Variants in NR2C2 observed in about 807,000 individuals in gnomAD.
NR2C2 encodes the protein nuclear receptor subfamily 2 group C member 2, also known as Nuclear hormone receptor TR4.
Under a neutral mutation model 62.9 loss-of-function variants are expected in NR2C2, and 6 were observed. The ratio of observed to expected loss-of-function variants is 0.10; its 90% CI spans 0.05 to 0.19. The LOEUF (loss-of-function observed/expected upper bound fraction) is 0.19, where lower values mean the gene tolerates loss of function less well. Among genes scored for constraint, NR2C2 ranks in the 10% least tolerant of loss-of-function variants. The pLI, the probability that NR2C2 is intolerant of heterozygous loss-of-function variation, is 1.00. For missense variants in NR2C2, 479 were observed against 762.7 expected (o/e 0.63, Z 4.38); for synonymous variants, 272 against 273.8 (o/e 0.99, Z 0.07).
intron 2 of NR2C2, among the ~76,000 whole-genome samples, chr3:15,005,057 C>T (rs924220525): frequency 6.6e-6 from 1 of 151,914 alleles, no homozygotes; most frequent in Non-Finnish European, 1.5e-5. Flanking sequence ...CCAGCCACCC[C>T]TTTCTTATTA....
intron 1 of NR2C2, among the ~76,000 whole-genome samples, chr3:14,988,913 A>G (rs2040585515): frequency 1.3e-5 from 2 of 152,216 alleles, no homozygotes; most frequent in Admixed American, 1.3e-4. Flanking sequence ...CATCATTTAT[A>G]GCAGTGTGAA....
chr3:14,994,683 C>T (rs987218322), intron 1 of NR2C2, among the ~76,000 whole-genome samples: 10 of 150,984 alleles, frequency 6.6e-5, no homozygotes, highest in Admixed American at 5.3e-4. Flanking sequence ...CCTCATGATC[C>T]GCCAACCTCG....
At chr3:14,949,760 T>G (rs768611505) in intron 1 of NR2C2, among the ~76,000 whole-genome samples, 12 of 147,514 alleles carry the variant, frequency 8.1e-5, no homozygotes, top group Non-Finnish European at 1.6e-4. Context: ...GAATATGATT[T>G]ATTTATTTAT....
chr3:14,991,539 G>A (rs2040670936), intron 1 of NR2C2, among the ~76,000 whole-genome samples: 1 of 152,122 alleles, frequency 6.6e-6, no homozygotes, highest in African/African-American at 2.4e-5. Flanking sequence ...TTTCACTGAA[G>A]TGTTGAGAAG....
chr3:15,040,875 C>G lies in NR2C2; in HGVS notation c.1616+1648C>G, dbSNP rs529819083. ...GTCAGGTTGTCCTCCTAGGAGGCCA[C>G]AGGCCTGCTCCCCCACAGTTCCCAT... On this transcript the variant is annotated intron_variant, in intron 13 of 13. Transcript: ENST00000425241. Among the ~76,000 whole-genome samples the G allele has an allele frequency of 2.2e-4, 33 of 152,362 alleles. 4 individuals are homozygous for G. Among genetic ancestry groups the G allele is most frequent in the South Asian group, 2.1e-3 (10 of 4,828 alleles).
intron 11 of NR2C2, among the ~76,000 whole-genome samples, chr3:15,036,198 CAAAA>C (rs983010127): frequency 1.4e-5 from 2 of 148,124 alleles, no homozygotes; most frequent in East Asian, 2.0e-4. Flanking sequence ...AAAACAAAAA[CAAAA>C]AAAAAACTAG....
chr3:14,963,840 C>T (rs373345009), intron 1 of NR2C2, among the ~76,000 whole-genome samples: 356 of 151,952 alleles, frequency 2.3e-3, no homozygotes, highest in African/African-American at 8.1e-3. Context: ...CAGTTTAAAC[C>T]GATAAAAATG....
rs151301052 is a variant in NR2C2, at chr3:14,975,088, A to G, written c.-40+27182A>G. ...GTTACTGATTCTTATTTCTAATAAC[A>G]TGCAGTTTTGCTGAATTTGTTTTAT... is the stretch of plus-strand genomic sequence containing the variant. On this transcript the variant is annotated intron_variant, in intron 1 of 13. Coordinates refer to ENST00000425241, the MANE Select transcript of NR2C2 (RefSeq NM_001291694.2). Among the ~76,000 whole-genome samples, 46 of 152,326 alleles carry G rather than the reference A, an allele frequency of 3.0e-4. No homozygotes were observed. In the East Asian group the frequency reaches 8.5e-3, roughly 28 times the overall value.
rs780662570 is a variant in NR2C2 at position 15,046,658 on chromosome 3, A to G, written c.*3650A>G. The stretch of plus-strand genomic sequence containing the variant: ...GCTTGTTGCCCACTTTCCAGTGTAA[A>G]TGACTTTATGTGCAATGGGGTCATA... On this transcript the variant is annotated 3_prime_UTR_variant, in exon 14 of 14. Coordinates refer to ENST00000425241, the MANE Select transcript of NR2C2 (RefSeq NM_001291694.2). The G allele has an allele frequency of 3.3e-5, 5 of 152,322 alleles. No individual in the cohort carries two copies. The highest frequency in any genetic ancestry group is 5.9e-5 in the Non-Finnish European group (4 of 68,056). 9.4% of individuals were successfully genotyped at this position (152,322 alleles called of 1,614,324 possible).
In NR2C2 at chr3:15,043,337, G is replaced by A. The variant is rs2042337514; in HGVS notation, c.*329G>A. ...AGACTAGTATTAAAGAAAACTGAAA[G>A]AACCTGAGAGAATAGTATGTGTGTA... On this transcript the variant is annotated 3_prime_UTR_variant, in exon 14 of 14. Transcript: ENST00000425241. 5.8e-6 allele frequency: 1 copy of A among 172,442 alleles called. No homozygotes were observed. Among genetic ancestry groups the A allele is most frequent in the Admixed American group, 6.1e-5 (1 of 16,358 alleles). The allele number at this position is 172,442 out of a possible 1,614,324, so 10.7% of individuals were successfully genotyped here. A position where few individuals can be genotyped will look rare whatever the true frequency, so the allele number is the denominator to read the frequency against.
chr3:14,966,548 A>T (rs755262037), intron 1 of NR2C2, among the ~76,000 whole-genome samples: 1 of 152,234 alleles, frequency 6.6e-6, no homozygotes, highest in African/African-American at 2.4e-5. Context: ...GATGTCCCTC[A>T]CTGCACTCCA....
rs2042530001 is a variant in NR2C2, at chr3:15,048,367, C to A, written c.*5359C>A. ...AGTCTCTAAATGAATTAAAAGTTTC[C>A]TTTGGGGCTATTTAGCTTAACAGCA... On this transcript the variant is annotated 3_prime_UTR_variant, in exon 14 of 14. Coordinates refer to ENST00000425241, the MANE Select transcript of NR2C2 (RefSeq NM_001291694.2). The A allele has an allele frequency of 6.6e-6, 1 of 152,554 alleles. No individual in the cohort carries two copies. The highest frequency in any genetic ancestry group is 2.4e-5 in the African/African-American group (1 of 41,412). 9.5% of individuals were successfully genotyped at this position (152,554 alleles called of 1,614,324 possible). A position where few individuals can be genotyped will look rare whatever the true frequency, so the allele number is the denominator to read the frequency against.
At chr3:15,032,535 C>T in intron 10 of NR2C2, 35 bp downstream of exon 10, 1 of 1,613,916 alleles carries the variant, frequency 6.2e-7, no homozygotes, top group Non-Finnish European at 8.5e-7. Context: ...TATCCTCGGG[C>T]AGGAGCCTTC....
chr3:15,016,811 A>G (rs1012423506), intron 4 of NR2C2, among the ~76,000 whole-genome samples: 3 of 152,178 alleles, frequency 2.0e-5, no homozygotes, highest in African/African-American at 7.2e-5. Context: ...GCCAGGGCCT[A>G]GAGTTTAAGA....
intron 1 of NR2C2, among the ~76,000 whole-genome samples, chr3:14,973,872 G>C (rs980598767): frequency 1.3e-5 from 2 of 152,050 alleles, no homozygotes; most frequent in African/African-American, 4.8e-5. Flanking sequence ...GCTGCATCCA[G>C]GTAAGCCCAT....
chr3:14,979,987 G>A (rs2040317872), intron 1 of NR2C2, among the ~76,000 whole-genome samples: 1 of 152,096 alleles, frequency 6.6e-6, no homozygotes, highest in Admixed American at 6.5e-5. Context: ...CTTCCTTGAT[G>A]GTGGGCAAAT....
chr3:14,964,333 ATGG>A (rs2039775265), intron 1 of NR2C2, among the ~76,000 whole-genome samples: 1 of 152,212 alleles, frequency 6.6e-6, no homozygotes, highest in Non-Finnish European at 1.5e-5. Context: ...GATGGCAGTC[ATGG>A]TGGTGAATTA....
chr3:15,036,487 G>T (rs947369631), intron 11 of NR2C2, among the ~76,000 whole-genome samples: 3 of 152,090 alleles, frequency 2.0e-5, no homozygotes, highest in African/African-American at 7.2e-5. Flanking sequence ...AGTTTTTGTT[G>T]TTGTTGTTTT....
At position 15,045,141 on chromosome 3, in the gene NR2C2, TA is replaced by T. The variant is rs2042405322; in HGVS notation, c.*2134del. On this transcript the variant is annotated 3_prime_UTR_variant, in exon 14 of 14. Coordinates refer to ENST00000425241, the MANE Select transcript of NR2C2 (RefSeq NM_001291694.2). ...CATTTCTGCTTGTGAAGGCTTTTAG[TA>T]GCAGGCATCCTGCAGCTCAGTGGTG... is the stretch of plus-strand genomic sequence containing the variant. The T allele has an allele frequency of 6.6e-6, 1 of 152,226 alleles. No homozygotes were observed. Among genetic ancestry groups the T allele is most frequent in the Non-Finnish European group, 1.5e-5 (1 of 68,046 alleles). 9.4% of individuals were successfully genotyped at this position (152,226 alleles called of 1,614,324 possible). A position where few individuals can be genotyped will look rare whatever the true frequency, so the allele number is the denominator to read the frequency against.
Sources: allele counts gnomAD v4.1 joint callset (sites outside exome capture counted in the v4.1 genomes callset), GRCh38; gene constraint gnomAD v4.1.1; transcripts MANE v1.5; gene names NCBI Gene and HGNC (gene_info 2026-07-23, HGNC 2026-07-21).